Variants in AFG1L observed in about 807,000 individuals in gnomAD.
AFG1L encodes AFG1 like ATPase.
Under a neutral mutation model 62.2 loss-of-function variants are expected in AFG1L, and 53 were observed. The observed-to-expected ratio is 0.85, with a 90% CI of 0.68 to 1.07. AFG1L has a LOEUF of 1.07. Ranked by LOEUF, AFG1L falls within the 50% of genes least tolerant of loss-of-function variation. AFG1L has a pLI of 0.00. For missense variants in AFG1L, 555 were observed against 590.5 expected (o/e 0.94, Z 0.62); for synonymous variants, 228 against 210.3 (o/e 1.08, Z -0.73).
At chr6:108,376,002 C>T (rs1345634902) in intron 6 of AFG1L, among the ~76,000 whole-genome samples, 2 of 151,976 alleles carry the variant, frequency 1.3e-5, no homozygotes, top group Non-Finnish European at 2.9e-5. Flanking sequence ...TGATATTGGT[C>T]TGTTTGGTGT....
rs924337202 is a variant in AFG1L at position 108,356,094 on chromosome 6, G to A, written c.517+339G>A. 2.0e-5 allele frequency among the ~76,000 whole-genome samples: 3 copies of A among 152,188 alleles called. No individual in the cohort carries two copies. The South Asian group carries it at 6.2e-4, about 31-fold the overall frequency. On this transcript the variant is annotated intron_variant, in intron 4 of 12. Coordinates refer to ENST00000368977, the MANE Select transcript of AFG1L (RefSeq NM_145315.5). ...CCTTTACTCTGTGTTACCTTAGCAT[G>A]TAGGCATTCAGTTTGAGTACGCATG... is the stretch of plus-strand genomic sequence containing the variant.
At chr6:108,475,606 T>G (rs1043566365) in intron 8 of AFG1L, among the ~76,000 whole-genome samples, 11 of 152,230 alleles carry the variant, frequency 7.2e-5, no homozygotes, top group Admixed American at 6.5e-4. Flanking sequence ...TCTATTTGAA[T>G]ATGACACTAG....
intron 2 of AFG1L, among the ~76,000 whole-genome samples, chr6:108,330,404 G>A (rs1364419660): frequency 6.6e-6 from 1 of 152,030 alleles, no homozygotes; most frequent in Non-Finnish European, 1.5e-5. Flanking sequence ...TTGAACTCCT[G>A]ACCTCGTGCT....
At chr6:108,308,007 T>C (rs753206527) in intron 1 of AFG1L, among the ~76,000 whole-genome samples, 1 of 152,170 alleles carries the variant, frequency 6.6e-6, no homozygotes, top group African/African-American at 2.4e-5. Context: ...TCTTAATGAG[T>C]TGTAGTTCTT....
chr6:108,306,859 G>A (rs1777217113), intron 1 of AFG1L, among the ~76,000 whole-genome samples: 1 of 152,044 alleles, frequency 6.6e-6, no homozygotes, highest in South Asian at 2.1e-4. Flanking sequence ...GCCTTGTTTA[G>A]GTTACCTTTT....
Position 108,451,788 on chromosome 6 carries a change from G to A in AFG1L, c.890+4492G>A, listed in dbSNP as rs186789862. ...GGCTGGAGTGCAGTGGCGTGATCTC[G>A]GCTCACTGCAACCTCTGCTTCCCGG... On this transcript the variant is annotated intron_variant, in intron 8 of 12. Transcript: ENST00000368977. 1.3e-4 allele frequency among the ~76,000 whole-genome samples: 19 copies of A among 151,960 alleles called. No individual in the cohort carries two copies. In the East Asian group the frequency reaches 3.5e-3, roughly 28 times the overall value.
Position 108,450,134 on chromosome 6 carries a change from A to G in AFG1L, c.890+2838A>G, listed in dbSNP as rs977319352. Among the ~76,000 whole-genome samples the G allele has an allele frequency of 2.0e-5, 3 of 152,042 alleles. No individual in the cohort carries two copies. In the South Asian group the frequency reaches 6.2e-4, roughly 32 times the overall value. On this transcript the variant is annotated intron_variant, in intron 8 of 12. Coordinates refer to ENST00000368977, the MANE Select transcript of AFG1L (RefSeq NM_145315.5). ...ATATACCCAGTAATGGGATGGCTTGATCAAATGGTATTTCTAGTTCTAGAT... is the reference window on the plus strand; with the variant it reads ...ATATACCCAGTAATGGGATGGCTTGGTCAAATGGTATTTCTAGTTCTAGAT...
At chr6:108,295,696 GTTCTT>G (rs1776743635) in intron 1 of AFG1L, 1 of 153,332 alleles carries the variant, frequency 6.5e-6, no homozygotes, top group African/African-American at 2.4e-5. Flanking sequence ...GATTCTTGGT[GTTCTT>G]TTCAAGTCAC....
At chr6:108,416,566 C>G (rs140434887) in intron 7 of AFG1L, among the ~76,000 whole-genome samples, 6,721 of 152,232 alleles carry the variant, frequency 0.044, 220 homozygotes, top group South Asian at 0.11. Context: ...AAATGTGGCA[C>G]ATATACACCA....
intron 5 of AFG1L, chr6:108,359,091 A>G (rs570633075): frequency 2.0e-5 from 3 of 152,226 alleles, no homozygotes; most frequent in Admixed American, 6.5e-5. Flanking sequence ...GTATCTGTCT[A>G]TTTTGTATTA....
chr6:108,452,742 G>C (rs927812960), intron 8 of AFG1L, among the ~76,000 whole-genome samples: 1 of 152,162 alleles, frequency 6.6e-6, no homozygotes, highest in Non-Finnish European at 1.5e-5. Context: ...TTAGCATGTT[G>C]TGTCAGTTCC....
intron 7 of AFG1L, among the ~76,000 whole-genome samples, chr6:108,444,588 A>T (rs1237114264): frequency 6.6e-6 from 1 of 152,236 alleles, no homozygotes; most frequent in Non-Finnish European, 1.5e-5. Flanking sequence ...AATGGATGTT[A>T]TGTTAACAGG....
At chr6:108,473,579 C>T (rs1772988083) in intron 8 of AFG1L, among the ~76,000 whole-genome samples, 1 of 152,062 alleles carries the variant, frequency 6.6e-6, no homozygotes, top group Non-Finnish European at 1.5e-5. Flanking sequence ...TTTTTTGAGA[C>T]AGAGTTTTGC....
Position 108,447,237 on chromosome 6 carries a change from A to G in AFG1L, c.831A>G (p.Leu277=). The change falls in exon 8 of 13, where the codon CTA becomes CTG. Residue 277 remains leucine, a synonymous_variant. Coordinates refer to ENST00000368977, the MANE Select transcript of AFG1L (RefSeq NM_145315.5). ...VLKEYCNTVQ[L]DSGIDYRKRE... Reference sequence around the variant, plus strand: ...AGGAATATTGTAATACAGTCCAGCTAGATTCTGGGATAGATTACCGGAAAA... The same window carrying G: ...AGGAATATTGTAATACAGTCCAGCTGGATTCTGGGATAGATTACCGGAAAA... 1 of 1,604,208 alleles carries G rather than the reference A, an allele frequency of 6.2e-7. No homozygotes were observed. Among genetic ancestry groups the G allele is most frequent in the Non-Finnish European group, 8.5e-7 (1 of 1,171,330 alleles).
chr6:108,396,442 A>C (rs1349580135), intron 6 of AFG1L, among the ~76,000 whole-genome samples: 1 of 152,150 alleles, frequency 6.6e-6, no homozygotes, highest in Non-Finnish European at 1.5e-5. Context: ...TTTAAGAAAT[A>C]GTTTTAAAAT....
At chr6:108,417,659 G>A (rs1485549703) in intron 7 of AFG1L, among the ~76,000 whole-genome samples, 1 of 151,968 alleles carries the variant, frequency 6.6e-6, no homozygotes, top group Non-Finnish European at 1.5e-5. Flanking sequence ...GAAAAATTTA[G>A]GTAATTCTTT....
chr6:108,369,950 A>G (rs1303740736), intron 6 of AFG1L, among the ~76,000 whole-genome samples: 6 of 147,584 alleles, frequency 4.1e-5, no homozygotes, highest in African/African-American at 1.0e-4. Context: ...CTGGCTGGCT[A>G]TCTATCTATC....
Position 108,498,381 on chromosome 6 carries a change from A to G in AFG1L, c.1063-11831A>G, listed in dbSNP as rs1157930828. ...CTTCTTCAATTCTCCAGTGGGTTTT[A>G]AATTATCATAATTTAGTTCTAGAGA... On this transcript the variant is annotated intron_variant, in intron 10 of 12. Coordinates refer to ENST00000368977, the MANE Select transcript of AFG1L (RefSeq NM_145315.5). 1.1e-4 allele frequency among the ~76,000 whole-genome samples: 16 copies of G among 152,206 alleles called. 1 individual carries two copies. Among genetic ancestry groups the G allele is most frequent in the Admixed American group, 8.5e-4 (13 of 15,288 alleles).
At chr6:108,512,704 C>G (rs1582687723) in intron 11 of AFG1L, among the ~76,000 whole-genome samples, 1 of 152,182 alleles carries the variant, frequency 6.6e-6, no homozygotes, top group Middle Eastern at 3.4e-3. Context: ...TCACCCCCAC[C>G]TTTTCACTTC....
Sources: allele counts gnomAD v4.1 joint callset (sites outside exome capture counted in the v4.1 genomes callset), GRCh38; gene constraint gnomAD v4.1.1; transcripts MANE v1.5; gene names NCBI Gene and HGNC (gene_info 2026-07-23, HGNC 2026-07-21).